Variants in HTRA1 observed in about 807,000 individuals in gnomAD.
The protein encoded by HTRA1 is serine protease HTRA1.
In HTRA1, 26 loss-of-function variants were observed where a neutral mutation model predicts 49.7. The ratio of observed to expected loss-of-function variants is 0.52; its 90% CI spans 0.38 to 0.73. The LOEUF is 0.73. Among genes scored for constraint, HTRA1 ranks in the 30% least tolerant of loss-of-function variants. The pLI, the probability that HTRA1 is intolerant of heterozygous loss-of-function variation, is 0.00. For missense variants in HTRA1, 561 were observed against 667.2 expected, an observed-to-expected ratio of 0.84 and a Z score of 1.75; for synonymous variants, 291 against 286.9, an observed-to-expected ratio of 1.01 and a Z score of -0.14.
rs1003685378 is a variant in HTRA1, at chr10:122,488,889, C to G, written c.473-13C>G. 5 of 1,608,190 alleles carry G rather than the reference C, an allele frequency of 3.1e-6. No homozygotes were observed. In the East Asian group the frequency reaches 1.1e-4, roughly 36 times the overall value. On this transcript the variant is annotated splice_polypyrimidine_tract_variant and intron_variant, in intron 1 of 8. Coordinates refer to ENST00000368984, the MANE Select transcript of HTRA1 (RefSeq NM_002775.5). ...AGTGTCATTAAGTATCTATTCTTTG[C>G]TTTTGTTCTCAGGGCAGGAAGATCC...
chr10:122,508,567 A>T, intron 5 of HTRA1, 89 bp from the exon 6 acceptor site: 1 of 876,214 alleles, frequency 1.1e-6, no homozygotes, highest in Non-Finnish European at 2.0e-6. Flanking sequence ...GAAATAGCTC[A>T]GGGACTTCTT....
intron 3 of HTRA1, among the ~76,000 whole-genome samples, chr10:122,504,645 C>T (rs931350717): frequency 1.3e-5 from 2 of 152,210 alleles, no homozygotes; most frequent in Non-Finnish European, 2.9e-5. Flanking sequence ...GAAGGGATGG[C>T]AGTGTCCCTG....
chr10:122,475,989 T>C (rs1221906803), intron 1 of HTRA1, among the ~76,000 whole-genome samples: 1 of 152,242 alleles, frequency 6.6e-6, no homozygotes, highest in Non-Finnish European at 1.5e-5. Context: ...GAAATGAGTG[T>C]TGTGGGGCAG....
chr10:122,498,915 C>G (rs1184692929), intron 3 of HTRA1, among the ~76,000 whole-genome samples: 1 of 152,210 alleles, frequency 6.6e-6, no homozygotes, highest in Non-Finnish European at 1.5e-5. Context: ...AGAACTCCAG[C>G]CCCATCTGAC....
At chr10:122,508,026 G>GAGGGCAGCTCTGGGGCCATTTATAGT (rs1591040697) in intron 5 of HTRA1, among the ~76,000 whole-genome samples, 1 of 151,960 alleles carries the variant, frequency 6.6e-6, no homozygotes, top group Non-Finnish European at 1.5e-5. Flanking sequence ...GCCATTTATA[G>GAGGGCAGCTCTGGGGCCATTTATAGT]GGGCTGTCTT....
chr10:122,512,127 AGAGG>A, intron 8 of HTRA1, 62 bp downstream of exon 8: 3 of 1,182,238 alleles, frequency 2.5e-6, no homozygotes, highest in African/African-American at 1.5e-5. Flanking sequence ...GGTAGCAGGA[AGAGG>A]GAGCGCTGTT....
At position 122,489,001 on chromosome 10, in the gene HTRA1, A is replaced by C; in HGVS notation, c.572A>C (p.Lys191Thr). The C allele has an allele frequency of 6.2e-7, 1 of 1,608,172 alleles. No individual in the cohort carries two copies. Among genetic ancestry groups the C allele is most frequent in the Non-Finnish European group, 8.5e-7 (1 of 1,174,498 alleles). Residue 191 changes from lysine to threonine, a missense_variant and splice_region_variant, in exon 2 of 9, where the codon AAG becomes ACG. Physicochemically the swap from Lys to Thr is moderately conservative, Grantham distance 78. Transcript: ENST00000368984. ...PAVVHIELFR[K>T]LPFSKREVPV... is the part of the protein sequence containing the mutation. ...GTGGTTCATATCGAATTGTTTCGCA[A>C]GTAAAGAGAGCCTTCCTTTTTCCTA...
At chr10:122,513,893 CTTTTT>C (rs11295304) in intron 8 of HTRA1, among the ~76,000 whole-genome samples, 1 of 130,054 alleles carries the variant, frequency 7.7e-6, no homozygotes, top group African/African-American at 2.9e-5. Context: ...AAACCTGGCT[CTTTTT>C]TTTTTTTTTT....
In HTRA1 at chr10:122,506,176, A is replaced by T. The variant is rs1437479941; in HGVS notation, c.778-515A>T. ...CATAGGCGTGCACCTGAGTCAGTAC[A>T]GTTCCCTGCCCGCAGAGCACCCCAA... On this transcript the variant is annotated intron_variant, in intron 3 of 8. Transcript: ENST00000368984. The surrounding 1 kb of genome is among the most constrained non-coding windows in gnomAD (Gnocchi z 5.2). 6.6e-6 allele frequency among the ~76,000 whole-genome samples: 1 copy of T among 152,156 alleles called. No homozygotes were observed. Among genetic ancestry groups the T allele is most frequent in the African/African-American group, 2.4e-5 (1 of 41,426 alleles).
chr10:122,471,987 TG>T (rs1164202324), intron 1 of HTRA1, among the ~76,000 whole-genome samples: 4 of 152,202 alleles, frequency 2.6e-5, no homozygotes, highest in Non-Finnish European at 5.9e-5. Flanking sequence ...CGATGACTGA[TG>T]TCTCCCTTCA....
intron 1 of HTRA1, among the ~76,000 whole-genome samples, chr10:122,476,325 G>C (rs2097488448): frequency 6.6e-6 from 1 of 152,146 alleles, no homozygotes; most frequent in Non-Finnish European, 1.5e-5. Flanking sequence ...GCTTTTCTTA[G>C]GGAAGAGTCA....
intron 1 of HTRA1, among the ~76,000 whole-genome samples, chr10:122,474,885 AT>A (rs11322423): frequency 0.015 from 2,229 of 151,044 alleles, 22 homozygotes; most frequent in South Asian, 0.028. Flanking sequence ...GAAAAACACA[AT>A]TTTTTTTTTC....
At chr10:122,510,569 C>A (rs568266452) in intron 7 of HTRA1, among the ~76,000 whole-genome samples, 1 of 152,134 alleles carries the variant, frequency 6.6e-6, no homozygotes, top group South Asian at 2.1e-4. Flanking sequence ...CTCTGCAGCT[C>A]GTGGGCCGCG....
At chr10:122,472,614 C>G (rs2133911585) in intron 1 of HTRA1, among the ~76,000 whole-genome samples, 1 of 152,188 alleles carries the variant, frequency 6.6e-6, no homozygotes, top group Non-Finnish European at 1.5e-5. Context: ...AGACTGGTCT[C>G]GAACTCCTGG....
At chr10:122,466,344 T>G (rs2097483777) in intron 1 of HTRA1, among the ~76,000 whole-genome samples, 1 of 152,082 alleles carries the variant, frequency 6.6e-6, no homozygotes. Context: ...TTTTTTGTAT[T>G]TTTTGGTAGA....
chr10:122,463,949 G>T (rs1009243218), intron 1 of HTRA1, among the ~76,000 whole-genome samples: 7 of 152,132 alleles, frequency 4.6e-5, no homozygotes, highest in Admixed American at 1.3e-4. Context: ...GAGCCAGGCT[G>T]GTGGCCCAGA....
intron 8 of HTRA1, 96 bp from the exon 9 acceptor site, chr10:122,514,095 C>A: frequency 8.0e-7 from 1 of 1,244,768 alleles, no homozygotes; most frequent in Non-Finnish European, 1.2e-6. Context: ...TTGCTCTGGG[C>A]TTTTAGGTTC....
chr10:122,489,304 G>C, intron 2 of HTRA1, 118 bp from the exon 3 acceptor site: 1 of 1,004,428 alleles, frequency 1.0e-6, no homozygotes, highest in Non-Finnish European at 1.6e-6. Context: ...TGCTAAGCCC[G>C]ATATATAAAG....
chr10:122,507,589 A>G (rs1049590670), intron 5 of HTRA1, among the ~76,000 whole-genome samples, 187 bp downstream of exon 5: 1 of 152,190 alleles, frequency 6.6e-6, no homozygotes, highest in Admixed American at 6.5e-5. Flanking sequence ...AAATGACCCT[A>G]CGGATCTTTT....
Sources: gnomAD v4.1 joint callset for allele counts (sites outside exome capture counted in the v4.1 genomes callset) on GRCh38, gnomAD v4.1.1 for gene constraint, Gnocchi (gnomAD v3.1) non-coding constraint, MANE v1.5 for transcripts, NCBI Gene and HGNC (gene_info 2026-07-23, HGNC 2026-07-21) for gene names.